MDFIC2: variants seen among roughly 807,000 people sequenced by gnomAD.
MDFIC2 encodes the protein MyoD family inhibitor domain containing 2.
At chr3:70,201,474 T>C (rs1260985358) in intron 3 of MDFIC2, among the ~76,000 whole-genome samples, 3 of 152,200 alleles carry the variant, frequency 2.0e-5, no homozygotes, top group Non-Finnish European at 4.4e-5. Flanking sequence ...TGATTCCATG[T>C]CTTTGCTATT....
intron 2 of MDFIC2, among the ~76,000 whole-genome samples, chr3:70,278,845 A>G (rs1702053990): frequency 6.6e-6 from 1 of 151,944 alleles, no homozygotes; most frequent in Non-Finnish European, 1.5e-5. Context: ...AGCCACCTCA[A>G]ATCAAAGGGT....
chr3:70,305,335 T>A (rs578228698), intron 2 of MDFIC2, among the ~76,000 whole-genome samples: 8 of 152,328 alleles, frequency 5.3e-5, no homozygotes, highest in South Asian at 4.1e-4. Flanking sequence ...TAATGAAAAC[T>A]ACAGAAATAA....
chr3:70,304,701 G>A (rs921569251), intron 2 of MDFIC2, among the ~76,000 whole-genome samples: 12 of 152,244 alleles, frequency 7.9e-5, no homozygotes, highest in African/African-American at 2.6e-4. Flanking sequence ...ATGGCCAACA[G>A]CAATACTCTC....
chr3:70,238,666 A>G (rs2106639887), intron 2 of MDFIC2, among the ~76,000 whole-genome samples: 1 of 152,196 alleles, frequency 6.6e-6, no homozygotes, highest in Admixed American at 6.6e-5. Flanking sequence ...GGCCAAGAAA[A>G]GAAAGTAAAG....
intron 3 of MDFIC2, among the ~76,000 whole-genome samples, chr3:70,203,030 G>A (rs1431985763): frequency 6.6e-6 from 1 of 152,050 alleles, no homozygotes; most frequent in African/African-American, 2.4e-5. Context: ...AGGGATAAGA[G>A]CACCCACAGA....
intron 2 of MDFIC2, among the ~76,000 whole-genome samples, chr3:70,228,809 G>A (rs781701265): frequency 1.7e-4 from 26 of 151,446 alleles, no homozygotes; most frequent in Non-Finnish European, 3.1e-4. Context: ...TATTAAGATG[G>A]ATAGCTGGGT....
intron 2 of MDFIC2, among the ~76,000 whole-genome samples, chr3:70,269,968 A>G (rs189245502): frequency 5.3e-5 from 8 of 152,338 alleles, no homozygotes; most frequent in African/African-American, 1.7e-4. Flanking sequence ...TGATCCTCAA[A>G]TAAAGAGAAG....
chr3:70,232,168 A>G (rs1005801937), intron 2 of MDFIC2, among the ~76,000 whole-genome samples: 1 of 152,218 alleles, frequency 6.6e-6, no homozygotes, highest in African/African-American at 2.4e-5. Flanking sequence ...CACTCGACAC[A>G]CTTGGAAGAA....
At chr3:70,292,277 A>G (rs985984139) in intron 2 of MDFIC2, among the ~76,000 whole-genome samples, 4 of 152,128 alleles carry the variant, frequency 2.6e-5, no homozygotes, top group African/African-American at 4.8e-5. Flanking sequence ...GATAACAATT[A>G]TATTTATTTG....
intron 2 of MDFIC2, among the ~76,000 whole-genome samples, chr3:70,269,823 T>C (rs1442418799): frequency 6.6e-6 from 1 of 152,048 alleles, no homozygotes; most frequent in African/African-American, 2.4e-5. Context: ...CACATCTCAT[T>C]TCGAAAACAA....
intron 2 of MDFIC2, among the ~76,000 whole-genome samples, chr3:70,233,280 G>T (rs1278742823): frequency 1.3e-5 from 2 of 152,082 alleles, no homozygotes; most frequent in Non-Finnish European, 2.9e-5. Flanking sequence ...CTGTGGAGTG[G>T]GTGGCCCTGG....
intron 2 of MDFIC2, among the ~76,000 whole-genome samples, chr3:70,215,242 T>C (rs986504856): frequency 2.0e-5 from 3 of 152,132 alleles, no homozygotes; most frequent in Non-Finnish European, 4.4e-5. Flanking sequence ...TTTTAGTGGT[T>C]TGCCCAAGAT....
intron 2 of MDFIC2, among the ~76,000 whole-genome samples, chr3:70,207,645 C>T (rs1362679013): frequency 2.0e-5 from 3 of 151,786 alleles, no homozygotes; most frequent in African/African-American, 7.3e-5. Context: ...CCCCAAATAA[C>T]AATGTAACAA....
At chr3:70,199,891 A>G (rs528636165) in intron 3 of MDFIC2, among the ~76,000 whole-genome samples, 1 of 152,166 alleles carries the variant, frequency 6.6e-6, no homozygotes, top group Non-Finnish European at 1.5e-5. Context: ...CTCTTCTGCA[A>G]CGTCTTCAAA....
chr3:70,285,216 C>A (rs1467281068), intron 2 of MDFIC2, among the ~76,000 whole-genome samples: 1 of 117,660 alleles, frequency 8.5e-6, no homozygotes, highest in African/African-American at 3.2e-5. Flanking sequence ...CCTCCCCCCA[C>A]CCCACAACAG....
At chr3:70,275,338 G>A (rs753379187) in intron 2 of MDFIC2, among the ~76,000 whole-genome samples, 15 of 151,908 alleles carry the variant, frequency 9.9e-5, no homozygotes, top group South Asian at 2.1e-4. Flanking sequence ...GTAAGACCTC[G>A]TCTCTACAAA....
At chr3:70,310,288 C>T (rs1702442499) in intron 2 of MDFIC2, among the ~76,000 whole-genome samples, 1 of 151,864 alleles carries the variant, frequency 6.6e-6, no homozygotes, top group Admixed American at 6.6e-5. Flanking sequence ...ATTAAAATTG[C>T]TTGGTGGGGA....
intron 2 of MDFIC2, among the ~76,000 whole-genome samples, chr3:70,263,107 A>G (rs1401767874): frequency 1.3e-5 from 2 of 152,088 alleles, no homozygotes; most frequent in Admixed American, 6.6e-5. Context: ...TATAGGACAG[A>G]TTTATAATAG....
chr3:70,255,060 A>G (rs1329574867), intron 2 of MDFIC2, among the ~76,000 whole-genome samples: 1 of 152,242 alleles, frequency 6.6e-6, no homozygotes, highest in Non-Finnish European at 1.5e-5. Context: ...AGCTTGAGAA[A>G]GAGAGAAACG....
Sources: gnomAD v4.1 joint callset for allele counts (sites outside exome capture counted in the v4.1 genomes callset) on GRCh38, gnomAD v4.1.1 for gene constraint, MANE v1.5 for transcripts, NCBI Gene and HGNC (gene_info 2026-07-23, HGNC 2026-07-21) for gene names.